Variants in MRTFA observed in about 807,000 individuals in gnomAD.
MRTFA encodes the protein myocardin-related transcription factor A.
A neutral mutation model predicts 83.5 loss-of-function variants in MRTFA; 20 were observed. The ratio of observed to expected loss-of-function variants is 0.24; its 90% CI spans 0.17 to 0.35. MRTFA has a LOEUF of 0.35. Ranked by LOEUF, MRTFA falls within the 10% of genes least tolerant of loss-of-function variation. The pLI is 1.00. For synonymous variants in MRTFA, 659 were observed against 541.2 expected (o/e 1.22, Z -3.02); for missense variants, 1,200 against 1,224.7 (o/e 0.98, Z 0.30).
chr22:40,478,547 T>C (rs989956315), intron 3 of MRTFA, among the ~76,000 whole-genome samples: 10 of 152,202 alleles, frequency 6.6e-5, no homozygotes, highest in Non-Finnish European at 1.5e-4. Flanking sequence ...CTGTTTTCCT[T>C]TCTCTTTCCT....
chr22:40,458,120 T>C (rs563727315), intron 4 of MRTFA, among the ~76,000 whole-genome samples: 2 of 152,312 alleles, frequency 1.3e-5, no homozygotes, highest in South Asian at 4.1e-4. Flanking sequence ...TCTTAATCTT[T>C]GGATTTCAAG....
intron 1 of MRTFA, among the ~76,000 whole-genome samples, chr22:40,627,969 T>TA (rs995486307): frequency 6.6e-5 from 10 of 151,764 alleles, no homozygotes; most frequent in African/African-American, 1.2e-4. Flanking sequence ...AGACTCTGTC[T>TA]AAAAAAAACA....
At chr22:40,461,810 T>A (rs2053719351) in intron 4 of MRTFA, among the ~76,000 whole-genome samples, 1 of 151,150 alleles carries the variant, frequency 6.6e-6, no homozygotes, top group African/African-American at 2.4e-5. Flanking sequence ...AAAAAAAAAA[T>A]TAAAATTAAA....
intron 7 of MRTFA, 100 bp from the exon 8 acceptor site, chr22:40,424,481 C>T (rs1257496503): frequency 1.6e-6 from 2 of 1,273,972 alleles, no homozygotes; most frequent in Admixed American, 2.4e-5. Flanking sequence ...GCCTGGCCCA[C>T]AGCCCACATG....
chr22:40,514,682 GT>G (rs2054727323), intron 3 of MRTFA, among the ~76,000 whole-genome samples: 1 of 151,552 alleles, frequency 6.6e-6, no homozygotes, highest in Non-Finnish European at 1.5e-5. Context: ...GTTTCACCAT[GT>G]TAGCCAGGCT....
intron 1 of MRTFA, among the ~76,000 whole-genome samples, chr22:40,634,126 G>A (rs1019913734): frequency 8.7e-5 from 13 of 149,866 alleles, no homozygotes; most frequent in African/African-American, 1.7e-4. Context: ...GGGTCTCACC[G>A]CACATTCAGG....
At chr22:40,587,952 A>G (rs978308764) in intron 2 of MRTFA, 9 of 359,850 alleles carry the variant, frequency 2.5e-5, no homozygotes, top group South Asian at 7.5e-5. Flanking sequence ...TTGCCAGATG[A>G]CTCCCCTTTT....
chr22:40,619,889 CAAAAAAAAAAAA>C (rs1213944103), intron 1 of MRTFA, among the ~76,000 whole-genome samples: 1 of 52,442 alleles, frequency 1.9e-5, no homozygotes, highest in African/African-American at 7.6e-5. Flanking sequence ...AACTCCGTCT[CAAAAAAAAAAAA>C]AAAAAAAAGA....
At chr22:40,514,801 A>G (rs367964668) in intron 3 of MRTFA, among the ~76,000 whole-genome samples, 2 of 151,836 alleles carry the variant, frequency 1.3e-5, no homozygotes, top group Non-Finnish European at 1.5e-5. Flanking sequence ...TTACAAAGGA[A>G]CGGTTTGTAC....
Position 40,419,275 on chromosome 22 carries a change from G to A in MRTFA, c.1463C>T (p.Pro488Leu), listed in dbSNP as rs768451448. The change falls in exon 12 of 15, where the codon CCA (proline) becomes CTA (leucine). Residue 488 changes from proline (P) to leucine (L), a missense_variant. Physicochemically the swap from Pro to Leu is moderately conservative, Grantham distance 98. Around this residue, in one of 2 missense-constraint regions of MRTFA, gnomAD observed 1,107 missense variants for 1,041.8 expected, o/e 1.06. Coordinates refer to ENST00000355630, the MANE Select transcript of MRTFA (RefSeq NM_020831.6). ...GGCGGCAGGGGCCTTGGGGGCTCCT[G>A]GCACAGGGCTGATTTGGTCTTGATA... 10 of 1,613,502 alleles carry A rather than the reference G, an allele frequency of 6.2e-6. No homozygotes were observed. The highest frequency in any genetic ancestry group is 8.5e-6 in the Non-Finnish European group (10 of 1,179,886).
rs148428628 is a variant in MRTFA at position 40,587,286 on chromosome 22, C to G, written c.-22+7388G>C. On this transcript the variant is annotated intron_variant, in intron 2 of 14. Transcript: ENST00000355630. ...ATGCAGAAATGTCCCACATGCCCAT[C>G]AGGAGCAAGTTTCAAAATGTTCAGT... 1.9e-4 allele frequency: 91 copies of G among 486,344 alleles called. 2 individuals are homozygous for G. In the East Asian group the frequency reaches 5.2e-3, roughly 28 times the overall value. 30.1% of individuals were successfully genotyped at this position (486,344 alleles called of 1,614,324 possible). A position where few individuals can be genotyped will look rare whatever the true frequency, so the allele number is the denominator to read the frequency against.
intron 5 of MRTFA, chr22:40,432,988 T>C (rs913555279): frequency 2.0e-5 from 3 of 152,198 alleles, no homozygotes; most frequent in Admixed American, 1.3e-4. Context: ...TAAGAAAATA[T>C]ATGGAGGAGC....
At chr22:40,619,416 C>A (rs534551844) in intron 1 of MRTFA, among the ~76,000 whole-genome samples, 1 of 152,084 alleles carries the variant, frequency 6.6e-6, no homozygotes, top group African/African-American at 2.4e-5. Flanking sequence ...AGACGATCCT[C>A]GTTTTACAGT....
intron 7 of MRTFA, among the ~76,000 whole-genome samples, chr22:40,427,618 G>A (rs2052982747): frequency 6.6e-6 from 1 of 152,096 alleles, no homozygotes; most frequent in Admixed American, 6.6e-5. Context: ...TCTAAGAGTA[G>A]GATAATAAAT....
At chr22:40,448,014 C>CA (rs1374568625) in intron 4 of MRTFA, among the ~76,000 whole-genome samples, 15 of 152,082 alleles carry the variant, frequency 9.9e-5, no homozygotes, top group Non-Finnish European at 2.9e-5. Context: ...CCCATCTCTA[C>CA]AAAAAAATTA....
At position 40,417,416 on chromosome 22, in the gene MRTFA, A is replaced by G; in HGVS notation, c.2442T>C (p.Phe814=). 2 of 1,610,476 alleles carry G rather than the reference A, an allele frequency of 1.2e-6. No individual in the cohort carries two copies. The highest frequency in any genetic ancestry group is 1.1e-5 in the South Asian group (1 of 90,510). Reference sequence around the variant, plus strand: ...TCTTCAGCAGAGAAGTGGGGGTCCCAAAGAGGGGCTGCAGTGGGTGCTCCA... The same window carrying G: ...TCTTCAGCAGAGAAGTGGGGGTCCCGAAGAGGGGCTGCAGTGGGTGCTCCA... Residue 814 remains phenylalanine, a synonymous_variant, in exon 13 of 15, where the codon TTT becomes TTC. Transcript: ENST00000355630.
chr22:40,594,024 C>T (rs2056156657), intron 2 of MRTFA, among the ~76,000 whole-genome samples: 1 of 152,232 alleles, frequency 6.6e-6, no homozygotes, highest in South Asian at 2.1e-4. Flanking sequence ...CCATCTATAG[C>T]TCTTTTTGCA....
chr22:40,559,259 G>T (rs553134364), intron 2 of MRTFA, among the ~76,000 whole-genome samples: 1 of 152,056 alleles, frequency 6.6e-6, no homozygotes, highest in Non-Finnish European at 1.5e-5. Context: ...GGTGGTGTGC[G>T]TCTGCAGTCT....
At chr22:40,414,009 A>G (rs2052621217) in intron 14 of MRTFA, among the ~76,000 whole-genome samples, 2 of 152,340 alleles carry the variant, frequency 1.3e-5, no homozygotes, top group South Asian at 2.1e-4. Context: ...TGCAGTGGAC[A>G]CAGTTTAGTG....
Sources: gnomAD v4.1 joint callset for allele counts (sites outside exome capture counted in the v4.1 genomes callset) on GRCh38, gnomAD v4.1.1 for gene constraint, gnomAD v4.1.1 regional missense constraint, MANE v1.5 for transcripts, NCBI Gene and HGNC (gene_info 2026-07-23, HGNC 2026-07-21) for gene names.